The following ANKRD36 variants were observed in gnomAD, a reference collection of about 807,000 sequenced individuals.
The protein encoded by ANKRD36 is ankyrin repeat domain-containing protein 36A.
ANKRD36 carries 179 observed loss-of-function variants against 278.1 expected under a neutral mutation model. That is an observed-to-expected ratio of 0.64 (90% confidence interval 0.57 to 0.73). The LOEUF (loss-of-function observed/expected upper bound fraction) is 0.73, where lower values mean the gene tolerates loss of function less well. Among genes scored for constraint, ANKRD36 ranks in the 30% least tolerant of loss-of-function variants. ANKRD36 has a pLI of 0.00. For synonymous variants in ANKRD36, 320 were observed against 641.1 expected (o/e 0.50, Z 7.57); for missense variants, 1,159 against 1,956.7 (o/e 0.59, Z 7.69).
intron 6 of ANKRD36, among the ~76,000 whole-genome samples, chr2:97,140,341 C>A (rs1429766074): frequency 6.6e-6 from 1 of 151,646 alleles, no homozygotes; most frequent in Non-Finnish European, 1.5e-5. Context: ...ATTTCAGAAC[C>A]CATTTCTCTG....
chr2:97,169,721 C>A (rs2051822915), intron 22 of ANKRD36, among the ~76,000 whole-genome samples: 2 of 152,238 alleles, frequency 1.3e-5, no homozygotes, highest in Admixed American at 1.3e-4. Context: ...ATACAACTCA[C>A]AAGGGATGAG....
At position 97,179,778 on chromosome 2, in the gene ANKRD36, C is replaced by G; in HGVS notation, c.1662+12C>G. ...AACCAGCTGAGAAGGTAATTAAAGT[C>G]TCATTTATATGTTGAACTATTAACT... On this transcript the variant is annotated intron_variant, in intron 23 of 75. Coordinates refer to ENST00000420699, the MANE Select transcript of ANKRD36 (RefSeq NM_001354587.1). The G allele has an allele frequency of 6.3e-7, 1 of 1,594,708 alleles. No individual in the cohort carries two copies. Among genetic ancestry groups the G allele is most frequent in the South Asian group, 1.1e-5 (1 of 90,400 alleles).
At chr2:97,116,858 G>A (rs964637460) in intron 1 of ANKRD36, among the ~76,000 whole-genome samples, 1 of 151,924 alleles carries the variant, frequency 6.6e-6, no homozygotes, top group African/African-American at 2.4e-5. Context: ...CTTCCCAACT[G>A]TATGTATGCA....
At chr2:97,225,876 T>A (rs1407458637) in intron 67 of ANKRD36, among the ~76,000 whole-genome samples, 1 of 151,276 alleles carries the variant, frequency 6.6e-6, no homozygotes, top group African/African-American at 2.4e-5. Context: ...ACATGCAGTG[T>A]TTGGTTTTTT....
intron 66 of ANKRD36, among the ~76,000 whole-genome samples, chr2:97,220,756 A>C (rs1047453739): frequency 1.5e-5 from 1 of 66,258 alleles, no homozygotes; most frequent in African/African-American, 1.0e-4. Flanking sequence ...TTAATTTTTA[A>C]TTTTCTTTTT....
chr2:97,157,762 T>A (rs560608520), intron 15 of ANKRD36, among the ~76,000 whole-genome samples: 2 of 150,644 alleles, frequency 1.3e-5, no homozygotes, highest in African/African-American at 4.9e-5. Context: ...AGTGATTAAT[T>A]GACTTTTTAT....
chr2:97,262,535 T>C (rs2076830241), intron 75 of ANKRD36, among the ~76,000 whole-genome samples: 1 of 126,886 alleles, frequency 7.9e-6, no homozygotes, highest in Non-Finnish European at 1.6e-5. Context: ...CACAACAAGA[T>C]ACACTATAAT....
intron 11 of ANKRD36, 113 bp from the exon 12 acceptor site, chr2:97,149,182 C>T: frequency 2.4e-6 from 2 of 816,556 alleles, no homozygotes; most frequent in South Asian, 1.6e-5. Flanking sequence ...TGAGTTTCCT[C>T]AGACTTTGTT....
chr2:97,210,102 G>T (rs1309567377), intron 56 of ANKRD36, among the ~76,000 whole-genome samples: 6 of 151,798 alleles, frequency 4.0e-5, no homozygotes, highest in Non-Finnish European at 8.8e-5. Context: ...GAAGAAATAC[G>T]GAGAGCAGCT....
chr2:97,208,731 T>C (rs1464780708), intron 54 of ANKRD36, among the ~76,000 whole-genome samples: 3 of 146,610 alleles, frequency 2.0e-5, no homozygotes, highest in African/African-American at 8.0e-5. Flanking sequence ...TAATCTTGAA[T>C]GTGAATAAAT....
At chr2:97,192,754 T>C in intron 36 of ANKRD36, 104 bp from the exon 37 acceptor site, 1 of 1,436,186 alleles carries the variant, frequency 7.0e-7, no homozygotes, top group Non-Finnish European at 9.6e-7. Flanking sequence ...AAGCCTACGC[T>C]AATACAGGCA....
At chr2:97,152,624 CT>C in intron 14 of ANKRD36, 90 bp downstream of exon 14, 1 of 1,087,658 alleles carries the variant, frequency 9.2e-7, no homozygotes, top group Non-Finnish European at 1.3e-6. Context: ...CTACTCTGTG[CT>C]GGACACCATA....
intron 6 of ANKRD36, among the ~76,000 whole-genome samples, chr2:97,138,327 C>T (rs2042043331): frequency 6.6e-6 from 1 of 152,030 alleles, no homozygotes; most frequent in African/African-American, 2.4e-5. Flanking sequence ...TGAGTGAACT[C>T]CCATACACAA....
At chr2:97,227,235 A>T (rs1343679561) in intron 67 of ANKRD36, among the ~76,000 whole-genome samples, 1 of 152,120 alleles carries the variant, frequency 6.6e-6, no homozygotes, top group Non-Finnish European at 1.5e-5. Context: ...CATTTTAACC[A>T]TACTGATTCT....
At chr2:97,202,916 A>T (rs1460818862) in intron 48 of ANKRD36, among the ~76,000 whole-genome samples, 1 of 151,676 alleles carries the variant, frequency 6.6e-6, no homozygotes, top group Non-Finnish European at 1.5e-5. Context: ...TGCTGAGGAA[A>T]CCTGAGTGAA....
intron 1 of ANKRD36, among the ~76,000 whole-genome samples, chr2:97,115,984 A>G (rs2035212461): frequency 6.6e-6 from 1 of 151,472 alleles, no homozygotes; most frequent in Non-Finnish European, 1.5e-5. Flanking sequence ...ATACAGATGT[A>G]TGTTGAGGTG....
intron 24 of ANKRD36, among the ~76,000 whole-genome samples, chr2:97,180,661 G>T (rs996318051): frequency 2.0e-5 from 3 of 151,588 alleles, no homozygotes; most frequent in African/African-American, 7.3e-5. Context: ...AGATAAACTT[G>T]CATATGAATA....
chr2:97,174,040 A>G (rs2053497863), intron 22 of ANKRD36, among the ~76,000 whole-genome samples: 1 of 151,298 alleles, frequency 6.6e-6, no homozygotes, highest in Non-Finnish European at 1.5e-5. Context: ...CAATCATGAC[A>G]TATGTATATA....
At chr2:97,157,303 A>T (rs1356278844) in intron 15 of ANKRD36, among the ~76,000 whole-genome samples, 2 of 150,770 alleles carry the variant, frequency 1.3e-5, no homozygotes, top group African/African-American at 4.9e-5. Context: ...TATTAGGCAT[A>T]TATTATGAAC....
Sources: gnomAD v4.1 joint callset for allele counts (sites outside exome capture counted in the v4.1 genomes callset) on GRCh38, gnomAD v4.1.1 for gene constraint, MANE v1.5 for transcripts, NCBI Gene and HGNC (gene_info 2026-07-23, HGNC 2026-07-21) for gene names.